Variants in REXO5 observed in about 807,000 individuals in gnomAD.
REXO5 encodes RNA exonuclease 5.
In REXO5, 48 loss-of-function variants were observed where a neutral mutation model predicts 88.5. The ratio of observed to expected loss-of-function variants is 0.54; its 90% CI spans 0.43 to 0.69. REXO5 has a LOEUF of 0.69. Ranked by LOEUF, REXO5 falls within the 30% of genes least tolerant of loss-of-function variation. The probability of loss-of-function intolerance (pLI) is 0.00; values close to 1 mark genes in which losing one functional copy is unlikely to be tolerated. For missense variants in REXO5, 749 were observed against 912.2 expected (o/e 0.82, Z 2.30); for synonymous variants, 311 against 336.5 (o/e 0.92, Z 0.83).
At position 20,825,023 on chromosome 16, in the gene REXO5, C is replaced by T. The variant is rs575052563; in HGVS notation, c.705+496C>T. ...ACTCGATCTCAAAAAAAAAAAATCA[C>T]GTTTTCCAACTAGTTACTATGTTTA... is the stretch of plus-strand genomic sequence containing the variant. On this transcript the variant is annotated intron_variant, in intron 7 of 19. Coordinates refer to ENST00000261377, the MANE Select transcript of REXO5 (RefSeq NM_030941.3). Among the ~76,000 whole-genome samples the T allele has an allele frequency of 7.2e-5, 11 of 152,084 alleles. No homozygotes were observed. The East Asian group carries it at 1.2e-3, about 16-fold the overall frequency.
At chr16:20,816,325 ATTTT>A (rs5816137) in intron 5 of REXO5, 113 bp downstream of exon 5, 19 of 502,964 alleles carry the variant, frequency 3.8e-5, no homozygotes, top group South Asian at 1.2e-4. Flanking sequence ...CACAAAAACA[ATTTT>A]TTTTTTTTTT....
intron 6 of REXO5, among the ~76,000 whole-genome samples, chr16:20,822,261 A>C (rs1306898663): frequency 6.6e-6 from 1 of 152,202 alleles, no homozygotes; most frequent in African/African-American, 2.4e-5. Context: ...CAGTACTTCT[A>C]ATTCTCCTCC....
rs191647590 is a variant in REXO5, at chr16:20,825,431, A to G, written c.706-402A>G. 702 of 155,790 alleles carry G rather than the reference A, an allele frequency of 4.5e-3. 7 individuals carry two copies. The highest frequency in any genetic ancestry group is 0.016 in the African/African-American group (673 of 41,676). 9.7% of individuals were successfully genotyped at this position (155,790 alleles called of 1,614,324 possible). On this transcript the variant is annotated intron_variant, in intron 7 of 19. Transcript: ENST00000261377. ...TCTCCCTCTGTGAAGTGGGGGTAATAATAAAGCCTACCTCAAAAGGTAATT... is the reference window on the plus strand; with the variant it reads ...TCTCCCTCTGTGAAGTGGGGGTAATGATAAAGCCTACCTCAAAAGGTAATT...
At position 20,849,606 on chromosome 16, in the gene REXO5, A is replaced by G. The variant is rs2081662447; in HGVS notation, c.*126A>G. 1.3e-6 allele frequency: 1 copy of G among 777,950 alleles called. No homozygotes were observed. The highest frequency in any genetic ancestry group is 2.5e-5 in the Admixed American group (1 of 40,750). The allele number at this position is 777,950 out of a possible 1,614,324, so 48.2% of individuals were successfully genotyped here. ...GGAAACTTGGTATAGCAGCTAAAAGAGTTTAGTTTGTTTATATGGCATGTA... is the reference window on the plus strand; with the variant it reads ...GGAAACTTGGTATAGCAGCTAAAAGGGTTTAGTTTGTTTATATGGCATGTA... On this transcript the variant is annotated 3_prime_UTR_variant, in exon 20 of 20. Coordinates refer to ENST00000261377, the MANE Select transcript of REXO5 (RefSeq NM_030941.3).
intron 11 of REXO5, among the ~76,000 whole-genome samples, chr16:20,829,494 C>T (rs1428189698): frequency 6.6e-6 from 1 of 152,146 alleles, no homozygotes; most frequent in East Asian, 1.9e-4. Context: ...TTGCATAGTA[C>T]ATTCCATCAT....
chr16:20,837,958 G>A (rs2081461215), intron 13 of REXO5, among the ~76,000 whole-genome samples: 2 of 151,960 alleles, frequency 1.3e-5, no homozygotes, highest in African/African-American at 2.4e-5. Flanking sequence ...TACAGATGAG[G>A]TCTCATTATG....
chr16:20,837,793 G>T (rs994997574), intron 13 of REXO5, among the ~76,000 whole-genome samples: 1 of 152,024 alleles, frequency 6.6e-6, no homozygotes, highest in Non-Finnish European at 1.5e-5. Flanking sequence ...TTGAGACAGG[G>T]TCTTGCTCTA....
chr16:20,826,260 C>A (rs540358102), intron 8 of REXO5, among the ~76,000 whole-genome samples: 2 of 152,290 alleles, frequency 1.3e-5, no homozygotes, highest in South Asian at 4.1e-4. Context: ...TCTGATAAGA[C>A]CTCATCTGAA....
intron 5 of REXO5, among the ~76,000 whole-genome samples, chr16:20,819,412 C>T: frequency 6.7e-6 from 1 of 148,998 alleles, no homozygotes; most frequent in Admixed American, 6.7e-5. Context: ...CTTTTCCTTT[C>T]CTTTCCTTCC....
intron 5 of REXO5, among the ~76,000 whole-genome samples, chr16:20,817,481 G>A (rs564783502): frequency 6.8e-4 from 103 of 152,334 alleles, no homozygotes; most frequent in African/African-American, 2.4e-3. Context: ...AGGTGGTGAT[G>A]AGAGACAAAG....
intron 3 of REXO5, 42 bp downstream of exon 3, chr16:20,813,344 CTTTTTTT>C: frequency 7.3e-5 from 47 of 643,164 alleles, no homozygotes; most frequent in Middle Eastern, 7.8e-4. Context: ...CCAGCGGTTT[CTTTTTTT>C]TTTTTTTTTT....
chr16:20,846,826 A>G (rs2081614286), intron 19 of REXO5, among the ~76,000 whole-genome samples: 1 of 152,200 alleles, frequency 6.6e-6, no homozygotes, highest in African/African-American at 2.4e-5. Flanking sequence ...TTTATCACCT[A>G]TCTCCTCTGA....
At chr16:20,816,892 T>C (rs529096364) in intron 5 of REXO5, among the ~76,000 whole-genome samples, 16 of 152,344 alleles carry the variant, frequency 1.1e-4, no homozygotes, top group African/African-American at 3.6e-4. Flanking sequence ...CTGCTGATAC[T>C]ACTCACAGTG....
chr16:20,820,548 T>A (rs868638604), intron 5 of REXO5, among the ~76,000 whole-genome samples: 141 of 25,222 alleles, frequency 5.6e-3, no homozygotes, highest in East Asian at 0.012. Context: ...ATATATATTT[T>A]TTTTTTTTTT....
chr16:20,833,388 T>C (rs553701339), intron 13 of REXO5, among the ~76,000 whole-genome samples: 2 of 152,222 alleles, frequency 1.3e-5, no homozygotes, highest in Admixed American at 1.3e-4. Flanking sequence ...TTCTGGTTCA[T>C]GGAAACGTTT....
At position 20,825,364 on chromosome 16, in the gene REXO5, A is replaced by G. The variant is rs770926368; in HGVS notation, c.706-469A>G. On this transcript the variant is annotated intron_variant, in intron 7 of 19. Transcript: ENST00000261377. ...ATCCTGTCCTTGCCTGTTAGTGGCT[A>G]TGTCGCCTTAGACAAATACCCCTAA... 2.4e-4 allele frequency among the ~76,000 whole-genome samples: 37 copies of G among 152,278 alleles called. No homozygotes were observed. In the South Asian group the frequency reaches 2.7e-3, roughly 11 times the overall value.
chr16:20,832,169 A>T lies in REXO5; in HGVS notation c.1172A>T (p.Asn391Ile). 6.2e-7 allele frequency: 1 copy of T among 1,608,844 alleles called. No homozygotes were observed. The highest frequency in any genetic ancestry group is 8.5e-7 in the Non-Finnish European group (1 of 1,177,194). Residue 391 changes from asparagine (N) to isoleucine (I), a missense_variant, in exon 12 of 20, where the codon AAT (asparagine) becomes ATT (isoleucine). Transcript: ENST00000261377. ...KHGPKKIAEL[N>I]LEALANHQEI... ...GTTTTCTTCAAGATTGCAGAACTAA[A>T]TCTAGAAGCACTAGCTAATCACCAA...
chr16:20,830,614 G>T (rs1275920313), intron 11 of REXO5, among the ~76,000 whole-genome samples: 2 of 152,196 alleles, frequency 1.3e-5, no homozygotes, highest in African/African-American at 4.8e-5. Flanking sequence ...TTGCTAGTCG[G>T]CTGAGTCATT....
rs1418142768 is a variant in REXO5, at chr16:20,828,422, A to G, written c.1056-13A>G. ...AGTGCTTCCAGTATGTCAATTTTAT[A>G]TTGACTTTCCAGGAAGGATATACAG... On this transcript the variant is annotated splice_polypyrimidine_tract_variant and intron_variant, in intron 10 of 19. Transcript: ENST00000261377. 6.4e-7 allele frequency: 1 copy of G among 1,574,602 alleles called. No homozygotes were observed. The highest frequency in any genetic ancestry group is 8.7e-7 in the Non-Finnish European group (1 of 1,144,386).
Sources: gnomAD v4.1 joint callset for allele counts (sites outside exome capture counted in the v4.1 genomes callset) on GRCh38, gnomAD v4.1.1 for gene constraint, MANE v1.5 for transcripts, NCBI Gene and HGNC (gene_info 2026-07-23, HGNC 2026-07-21) for gene names.